The following ASCC3 variants were observed in gnomAD, a reference collection of about 807,000 sequenced individuals.
The protein encoded by ASCC3 is activating signal cointegrator 1 complex subunit 3.
In ASCC3, 158 loss-of-function variants were observed where a neutral mutation model predicts 256.3. The observed-to-expected ratio is 0.62, with a 90% CI of 0.54 to 0.70. The LOEUF (loss-of-function observed/expected upper bound fraction) is 0.70, where lower values mean the gene tolerates loss of function less well. Among genes scored for constraint, ASCC3 ranks in the 30% least tolerant of loss-of-function variants. ASCC3 has a pLI of 0.00. For missense variants in ASCC3, 2,259 were observed against 2,626.0 expected (o/e 0.86, Z 3.05); for synonymous variants, 948 against 883.4 (o/e 1.07, Z -1.30).
intron 4 of ASCC3, among the ~76,000 whole-genome samples, chr6:100,847,676 T>A (rs1772449399): frequency 6.6e-6 from 1 of 152,182 alleles, no homozygotes; most frequent in African/African-American, 2.4e-5. Context: ...TATCTTGATA[T>A]TGGTGTCTCC....
At chr6:100,554,901 T>A (rs1044711158) in intron 36 of ASCC3, among the ~76,000 whole-genome samples, 1 of 152,010 alleles carries the variant, frequency 6.6e-6, no homozygotes, top group Non-Finnish European at 1.5e-5. Context: ...GATATAACTT[T>A]TTTCTATATA....
In ASCC3 at chr6:100,608,164, A is replaced by ATATACATATT. The variant is rs1773074670; in HGVS notation, c.4786-1077_4786-1076insAATATGTATA. Among the ~76,000 whole-genome samples, 74 of 21,414 alleles carry ATATACATATT rather than the reference A, an allele frequency of 3.5e-3. 1 individual carries two copies. Among genetic ancestry groups the ATATACATATT allele is most frequent in the African/African-American group, 8.6e-3 (73 of 8,466 alleles). The allele number at this position is 21,414 out of a possible 152,430, so 14.0% of individuals were successfully genotyped here. A position where few individuals can be genotyped will look rare whatever the true frequency, so the allele number is the denominator to read the frequency against. On this transcript the variant is annotated intron_variant, in intron 30 of 41. Coordinates refer to ENST00000369162, the MANE Select transcript of ASCC3 (RefSeq NM_006828.4). Reference sequence around the variant, plus strand: ...TATATATCTATATATACATATTTATATACATATTTATATATGTGTGTGTAT... The same window carrying ATATACATATT: ...TATATATCTATATATACATATTTATATATACATATTTACATATTTATATATGTGTGTGTAT...
At chr6:100,773,344 TA>T (rs1425898986) in intron 8 of ASCC3, among the ~76,000 whole-genome samples, 1 of 152,148 alleles carries the variant, frequency 6.6e-6, no homozygotes, top group African/African-American at 2.4e-5. Flanking sequence ...TTTATAGACT[TA>T]TGACAAGAAA....
At chr6:100,858,397 G>A (rs746839632) in intron 3 of ASCC3, 28 of 270,314 alleles carry the variant, frequency 1.0e-4, no homozygotes, top group Non-Finnish European at 5.7e-6. Context: ...GTCTAATTCC[G>A]TACCTCAGGG....
rs575906275 is a variant in ASCC3, at chr6:100,755,399, C to T, written c.1737+11166G>A. Among the ~76,000 whole-genome samples the T allele has an allele frequency of 2.0e-5, 3 of 150,628 alleles. No homozygotes were observed. In the South Asian group the frequency reaches 6.3e-4, roughly 32 times the overall value. On this transcript the variant is annotated intron_variant, in intron 10 of 41. Coordinates refer to ENST00000369162, the MANE Select transcript of ASCC3 (RefSeq NM_006828.4). ...TTTCTTTTTTTGAGATGAGGTATTG[C>T]TCTATAAACCCAGGCTGTAGTGCAG...
Position 100,631,129 on chromosome 6 carries a change from T to C in ASCC3, c.4207A>G (p.Lys1403Glu). ...KVRIEEKLGK[K>E]VIELTGDVTP... ...TTTTGAGTAAAAGTAAGAACTTACT[T>C]TTTACCAAGTTTTTCTTCTATTCTA... Residue 1403 changes from lysine (K) to glutamate (E), a missense_variant and splice_region_variant, in exon 26 of 42, where the codon AAA (lysine) becomes GAA (glutamate). Around this residue, in one of 2 missense-constraint regions of ASCC3, gnomAD observed 1,839 missense variants for 2,206.7 expected, o/e 0.83. Coordinates refer to ENST00000369162, the MANE Select transcript of ASCC3 (RefSeq NM_006828.4). The C allele has an allele frequency of 6.2e-7, 1 of 1,605,800 alleles. No individual in the cohort carries two copies. Among genetic ancestry groups the C allele is most frequent in the Non-Finnish European group, 8.5e-7 (1 of 1,173,356 alleles).
At chr6:100,581,171 T>G (rs1330169135) in intron 36 of ASCC3, among the ~76,000 whole-genome samples, 1 of 152,200 alleles carries the variant, frequency 6.6e-6, no homozygotes, top group Non-Finnish European at 1.5e-5. Context: ...ACTTCCACAA[T>G]GGTTGAACTA....
In ASCC3 at chr6:100,848,439, T is replaced by C. The variant is rs369021298; in HGVS notation, c.510A>G (p.Ser170=). 1 of 1,611,404 alleles carries C rather than the reference T, an allele frequency of 6.2e-7. No individual in the cohort carries two copies. Among genetic ancestry groups the C allele is most frequent in the African/African-American group, 1.3e-5 (1 of 74,696 alleles). Residue 170 remains serine, a synonymous_variant, in exon 4 of 42, where the codon TCA becomes TCG. Coordinates refer to ENST00000369162, the MANE Select transcript of ASCC3 (RefSeq NM_006828.4). The part of the protein sequence containing the change: ...RVFFGKNLAF[S]FDMHDLDHFD... The stretch of plus-strand genomic sequence containing the variant: ...AGTGGTCCAAATCATGCATGTCAAA[T>C]GAAAATGCTAAATTTTTACCAAAAA...
chr6:100,739,758 T>C (rs1043267001), intron 10 of ASCC3, among the ~76,000 whole-genome samples: 6 of 152,236 alleles, frequency 3.9e-5, no homozygotes, highest in Non-Finnish European at 8.8e-5. Context: ...TGGCTGGTTA[T>C]ATTTCTGTGG....
intron 1 of ASCC3, among the ~76,000 whole-genome samples, chr6:100,874,477 A>C (rs894803814): frequency 3.3e-5 from 5 of 151,196 alleles, no homozygotes; most frequent in African/African-American, 4.8e-5. Flanking sequence ...AAAAAAAAAA[A>C]AAAAAAAAAC....
intron 3 of ASCC3, among the ~76,000 whole-genome samples, chr6:100,861,316 T>C (rs746407761): frequency 2.0e-5 from 3 of 152,250 alleles, no homozygotes; most frequent in Non-Finnish European, 4.4e-5. Flanking sequence ...CCTCTGATAT[T>C]TCCTCCAGCT....
chr6:100,734,114 G>A (rs138613440), intron 10 of ASCC3, among the ~76,000 whole-genome samples: 52 of 152,238 alleles, frequency 3.4e-4, no homozygotes, highest in Middle Eastern at 6.8e-3. Context: ...GGAGTGGTAA[G>A]TGGGGGCAAG....
At chr6:100,838,598 A>T (rs941836511) in intron 4 of ASCC3, among the ~76,000 whole-genome samples, 8 of 152,090 alleles carry the variant, frequency 5.3e-5, no homozygotes, top group Non-Finnish European at 1.0e-4. Context: ...CTACACAACA[A>T]TTTACAAAGC....
intron 13 of ASCC3, among the ~76,000 whole-genome samples, chr6:100,688,618 T>C (rs559190035): frequency 6.6e-6 from 1 of 152,314 alleles, no homozygotes; most frequent in Non-Finnish European, 1.5e-5. Flanking sequence ...TTCAGATGCG[T>C]CTCTCTTAAG....
intron 4 of ASCC3, among the ~76,000 whole-genome samples, chr6:100,830,428 T>C (rs1423028882): frequency 6.6e-6 from 1 of 152,196 alleles, no homozygotes; most frequent in African/African-American, 2.4e-5. Context: ...TGAGATATAT[T>C]ACATTTCATG....
intron 8 of ASCC3, among the ~76,000 whole-genome samples, chr6:100,771,866 GTTTTTTTTT>G (rs57465763): frequency 4.4e-5 from 4 of 91,820 alleles, no homozygotes; most frequent in Non-Finnish European, 6.0e-5. Flanking sequence ...CAATCTGCAA[GTTTTTTTTT>G]TTTTTTTTTT....
At chr6:100,535,356 C>T (rs1775107190) in intron 37 of ASCC3, among the ~76,000 whole-genome samples, 1 of 152,100 alleles carries the variant, frequency 6.6e-6, no homozygotes, top group Admixed American at 6.5e-5. Context: ...CTCCAAGTTT[C>T]CCATTGGCAA....
intron 18 of ASCC3, 94 bp from the exon 19 acceptor site, chr6:100,651,740 T>C: frequency 1.6e-6 from 1 of 606,182 alleles, no homozygotes; most frequent in East Asian, 4.3e-5. Flanking sequence ...TTAAAAGAAA[T>C]TTGAGCCCTA....
intron 10 of ASCC3, among the ~76,000 whole-genome samples, chr6:100,726,832 C>T (rs766898183): frequency 1.1e-4 from 17 of 151,986 alleles, no homozygotes; most frequent in Non-Finnish European, 2.4e-4. Context: ...ACTGTCAATA[C>T]TTTTACTGTC....
Sources: gnomAD v4.1 joint callset for allele counts (sites outside exome capture counted in the v4.1 genomes callset) on GRCh38, gnomAD v4.1.1 for gene constraint, gnomAD v4.1.1 regional missense constraint, MANE v1.5 for transcripts, NCBI Gene and HGNC (gene_info 2026-07-23, HGNC 2026-07-21) for gene names.